FBN2: variants seen among roughly 807,000 people sequenced by gnomAD.
FBN2 encodes fibrillin 2, also known as fibrillin-2.
A neutral mutation model predicts 355.6 loss-of-function variants in FBN2; 105 were observed. The observed-to-expected ratio is 0.30, with a 90% CI of 0.25 to 0.35. The LOEUF (loss-of-function observed/expected upper bound fraction) is 0.35. FBN2 is among the 10% of genes least tolerant of loss of function. The pLI is 1.00. For synonymous variants in FBN2, 1,350 were observed against 1,301.2 expected (o/e 1.04, Z -0.81); for missense variants, 3,280 against 3,758.7 (o/e 0.87, Z 3.33).
At chr5:128,318,776 A>C in intron 35 of FBN2, 103 bp downstream of exon 35, 5 of 1,165,854 alleles carry the variant, frequency 4.3e-6, no homozygotes, top group Non-Finnish European at 6.3e-6. Context: ...TGTGTAACCT[A>C]ATGCATAGAT....
intron 39 of FBN2, 136 bp from the exon 40 acceptor site, chr5:128,310,244 C>A (rs1749997134): frequency 7.0e-6 from 5 of 717,026 alleles, no homozygotes; most frequent in Non-Finnish European, 1.2e-5. Flanking sequence ...AGAAAATATC[C>A]CAAATATGCA....
At chr5:128,318,105 C>T in intron 36 of FBN2, 44 bp downstream of exon 36, 1 of 1,598,314 alleles carries the variant, frequency 6.3e-7, no homozygotes, top group Admixed American at 1.7e-5. Context: ...TCTGAATATT[C>T]AACTTGATAA....
At position 128,434,394 on chromosome 5, in the gene FBN2, G is replaced by GTATATATATATATGTATA. The variant is rs1554068953; in HGVS notation, c.952+12086_952+12087insTATACATATATATATATA. Among the ~76,000 whole-genome samples, 89 of 91,642 alleles carry GTATATATATATATGTATA rather than the reference G, an allele frequency of 9.7e-4. 3 individuals are homozygous for GTATATATATATATGTATA. The highest frequency in any genetic ancestry group is 1.9e-3 in the South Asian group (5 of 2,608). 60.1% of individuals were successfully genotyped at this position (91,642 alleles called of 152,430 possible). A position where few individuals can be genotyped will look rare whatever the true frequency, so the allele number is the denominator to read the frequency against. On this transcript the variant is annotated intron_variant, in intron 7 of 64. Transcript: ENST00000262464. ...CAATGCCTGGCAGTGAATAAAGTGT[G>GTATATATATATATGTATA]TATATATATATATATATATATATAT... is the stretch of plus-strand genomic sequence containing the variant.
At chr5:128,291,427 A>G (rs10036747) in intron 49 of FBN2, 102 bp downstream of exon 49, 4 of 1,308,712 alleles carry the variant, frequency 3.1e-6, no homozygotes, top group Admixed American at 3.4e-5. Flanking sequence ...ATTTTAGCAT[A>G]GACATGTATT....
intron 46 of FBN2, 46 bp from the exon 47 acceptor site, chr5:128,301,556 G>A (rs759774442): frequency 1.3e-6 from 2 of 1,588,732 alleles, no homozygotes; most frequent in Non-Finnish European, 1.7e-6. Flanking sequence ...CTCTTAACAT[G>A]TATATTGTTT....
At chr5:128,490,273 C>G (rs1185021891) in intron 5 of FBN2, among the ~76,000 whole-genome samples, 1 of 152,178 alleles carries the variant, frequency 6.6e-6, no homozygotes. Context: ...CATATCAACT[C>G]TGTTTTAACA....
intron 5 of FBN2, 135 bp from the exon 6 acceptor site, chr5:128,465,056 T>G: frequency 1.2e-6 from 1 of 869,178 alleles, no homozygotes; most frequent in Non-Finnish European, 1.9e-6. Flanking sequence ...GAGAGTTTCA[T>G]GTTAAAAATT....
chr5:128,442,713 G>T (rs1403559669), intron 7 of FBN2, among the ~76,000 whole-genome samples: 2 of 151,924 alleles, frequency 1.3e-5, no homozygotes, highest in Non-Finnish European at 2.9e-5. Context: ...TGAGCAAAGG[G>T]GGATAATAAC....
chr5:128,278,485 T>C, intron 57 of FBN2, 150 bp downstream of exon 57: 5 of 710,686 alleles, frequency 7.0e-6, no homozygotes, highest in Non-Finnish European at 9.7e-6. Context: ...TATACATATA[T>C]ATGAAAACAC....
intron 7 of FBN2, among the ~76,000 whole-genome samples, chr5:128,445,148 C>T (rs1234755535): frequency 5.9e-5 from 9 of 152,090 alleles, no homozygotes; most frequent in African/African-American, 1.2e-4. Flanking sequence ...CTTTGACTAT[C>T]GACAGTGTAT....
intron 7 of FBN2, chr5:128,442,465 T>C: frequency 2.7e-6 from 1 of 376,536 alleles, no homozygotes; most frequent in South Asian, 2.0e-5. Context: ...TGTGTTCTCC[T>C]TCCCTTCTTC....
intron 7 of FBN2, among the ~76,000 whole-genome samples, chr5:128,411,187 C>T (rs985994269): frequency 6.6e-6 from 1 of 152,118 alleles, no homozygotes; most frequent in Non-Finnish European, 1.5e-5. Flanking sequence ...GGAACAAACC[C>T]TGTACCAGCC....
chr5:128,479,411 G>T (rs1218052986), intron 5 of FBN2, among the ~76,000 whole-genome samples: 1 of 151,954 alleles, frequency 6.6e-6, no homozygotes, highest in Admixed American at 6.5e-5. Flanking sequence ...ACACATATAT[G>T]TACGTATATA....
chr5:128,504,370 T>C (rs1347926693), intron 5 of FBN2, among the ~76,000 whole-genome samples: 1 of 152,004 alleles, frequency 6.6e-6, no homozygotes, highest in East Asian at 1.9e-4. Flanking sequence ...AACAACAACT[T>C]GTACTGTGTG....
intron 5 of FBN2, among the ~76,000 whole-genome samples, chr5:128,480,937 CA>C (rs5871310): frequency 0.048 from 7,348 of 152,214 alleles, 240 homozygotes; most frequent in Non-Finnish European, 0.072. Context: ...CTCCTAATTA[CA>C]TATGGATAAA....
chr5:128,288,634 G>T (rs1749226823), intron 52 of FBN2, 77 bp from the exon 53 acceptor site: 2 of 1,533,150 alleles, frequency 1.3e-6, no homozygotes, highest in Admixed American at 3.3e-5. Context: ...CCCATGCTTG[G>T]CCCTCACCCA....
chr5:128,263,057 G>T (rs1047074727), intron 63 of FBN2, among the ~76,000 whole-genome samples: 7 of 152,198 alleles, frequency 4.6e-5, no homozygotes, highest in African/African-American at 1.7e-4. Flanking sequence ...AGAACCTGTG[G>T]CAAGGCCATT....
At chr5:128,411,796 A>G (rs1753075550) in intron 7 of FBN2, among the ~76,000 whole-genome samples, 1 of 152,224 alleles carries the variant, frequency 6.6e-6, no homozygotes, top group Non-Finnish European at 1.5e-5. Flanking sequence ...TCTTCGACCT[A>G]GTATTTCCCT....
intron 6 of FBN2, among the ~76,000 whole-genome samples, chr5:128,455,618 T>A (rs576294577): frequency 6.6e-6 from 1 of 151,894 alleles, no homozygotes; most frequent in Non-Finnish European, 1.5e-5. Flanking sequence ...GGTTCTTTCA[T>A]CAAAGTTGAC....
Sources: gnomAD v4.1 joint callset for allele counts (sites outside exome capture counted in the v4.1 genomes callset) on GRCh38, gnomAD v4.1.1 for gene constraint, MANE v1.5 for transcripts, NCBI Gene and HGNC (gene_info 2026-07-23, HGNC 2026-07-21) for gene names.